The following PALM2AKAP2 variants were observed in gnomAD, a reference collection of about 807,000 sequenced individuals.
PALM2AKAP2 encodes PALM2-AKAP2 fusion protein.
A neutral mutation model predicts 71.5 loss-of-function variants in PALM2AKAP2; 37 were observed. The observed-to-expected ratio is 0.52, with a 90% confidence interval of 0.40 to 0.68. The LOEUF (loss-of-function observed/expected upper bound fraction) is 0.68. Ranked by LOEUF, PALM2AKAP2 falls within the 30% of genes least tolerant of loss-of-function variation. PALM2AKAP2 has a pLI of 0.00. For missense variants in PALM2AKAP2, 1,224 were observed against 1,191.8 expected (o/e 1.03, Z -0.40); for synonymous variants, 468 against 478.8 (o/e 0.98, Z 0.29).
At chr9:109,818,767 C>T (rs10980068) in intron 1 of PALM2AKAP2, among the ~76,000 whole-genome samples, 36,771 of 151,912 alleles carry the variant, frequency 0.24, 5,155 homozygotes, top group African/African-American at 0.37. Context: ...ACTGTACTTT[C>T]GAAATAAGAC....
chr9:109,888,489 A>G (rs1009107687), intron 3 of PALM2AKAP2, among the ~76,000 whole-genome samples: 1 of 152,004 alleles, frequency 6.6e-6, no homozygotes, highest in African/African-American at 2.4e-5. Flanking sequence ...CAGATGGATC[A>G]CCTGAGGTCA....
At chr9:109,804,026 A>T (rs564326232) in intron 1 of PALM2AKAP2, among the ~76,000 whole-genome samples, 18 of 152,260 alleles carry the variant, frequency 1.2e-4, no homozygotes, top group African/African-American at 3.4e-4. Context: ...AGCTCCAGAG[A>T]AAGACAACTC....
intron 6 of PALM2AKAP2, among the ~76,000 whole-genome samples, chr9:109,988,126 A>G (rs1258359370): frequency 6.6e-6 from 1 of 152,210 alleles, no homozygotes; most frequent in Non-Finnish European, 1.5e-5. Context: ...GCTTTATAGT[A>G]CCAATCTGCA....
intron 1 of PALM2AKAP2, among the ~76,000 whole-genome samples, chr9:109,723,529 G>A (rs867665272): frequency 3.7e-4 from 57 of 152,140 alleles, no homozygotes; most frequent in African/African-American, 1.3e-3. Context: ...AAGATAGTGC[G>A]ACATGGAATT....
chr9:109,660,808 C>T (rs1158543367), intron 1 of PALM2AKAP2, among the ~76,000 whole-genome samples: 2 of 152,156 alleles, frequency 1.3e-5, no homozygotes, highest in Admixed American at 6.5e-5. Flanking sequence ...TCCTATTTCT[C>T]CATATCCTCT....
At chr9:109,995,087 T>G (rs1301384036) in intron 6 of PALM2AKAP2, among the ~76,000 whole-genome samples, 1 of 152,208 alleles carries the variant, frequency 6.6e-6, no homozygotes, top group Non-Finnish European at 1.5e-5. Flanking sequence ...TTTTATAGGC[T>G]TCTACATGAT....
At chr9:110,053,508 CAG>C (rs1220227720) in intron 1 of PALM2AKAP2, among the ~76,000 whole-genome samples, 6 of 101,140 alleles carry the variant, frequency 5.9e-5, no homozygotes, top group South Asian at 3.5e-4. Context: ...AGCCTGGTGA[CAG>C]AGCAAGAACT....
chr9:109,789,423 T>C (rs529809347), intron 1 of PALM2AKAP2, among the ~76,000 whole-genome samples: 1 of 152,358 alleles, frequency 6.6e-6, no homozygotes, highest in South Asian at 2.1e-4. Flanking sequence ...TAATATTTTA[T>C]GAAGCCAGTC....
At chr9:109,818,544 T>C (rs1827908144) in intron 1 of PALM2AKAP2, among the ~76,000 whole-genome samples, 1 of 152,218 alleles carries the variant, frequency 6.6e-6, no homozygotes. Context: ...GATAAGAAGG[T>C]AAAAAACATA....
At chr9:110,120,888 G>A (rs561189090) in intron 1 of PALM2AKAP2, among the ~76,000 whole-genome samples, 1 of 152,324 alleles carries the variant, frequency 6.6e-6, no homozygotes, top group South Asian at 2.1e-4. Context: ...GGAGGGCGAA[G>A]GCCGGGAGTT....
At chr9:109,846,511 G>C (rs1828864023) in intron 1 of PALM2AKAP2, among the ~76,000 whole-genome samples, 1 of 152,182 alleles carries the variant, frequency 6.6e-6, no homozygotes, top group Non-Finnish European at 1.5e-5. Flanking sequence ...AAGGCACCAG[G>C]CCTACTGCAC....
chr9:109,936,821 C>T (rs888087525), intron 6 of PALM2AKAP2, among the ~76,000 whole-genome samples: 5 of 152,178 alleles, frequency 3.3e-5, no homozygotes, highest in Non-Finnish European at 7.3e-5. Context: ...CCTCCCATCT[C>T]CCTGACTAAT....
intron 2 of PALM2AKAP2, among the ~76,000 whole-genome samples, chr9:109,877,897 C>T (rs1829754876): frequency 6.6e-6 from 1 of 152,196 alleles, no homozygotes; most frequent in Non-Finnish European, 1.5e-5. Flanking sequence ...AAGCAATAAT[C>T]ATTCTTCTAC....
At chr9:109,991,967 T>C (rs1196542620) in intron 6 of PALM2AKAP2, among the ~76,000 whole-genome samples, 2 of 152,220 alleles carry the variant, frequency 1.3e-5, no homozygotes, top group Non-Finnish European at 2.9e-5. Context: ...ACCTGAAAGT[T>C]GCTAAAAATG....
chr9:109,867,658 A>G, intron 2 of PALM2AKAP2, 87 bp downstream of exon 2: 1 of 1,455,616 alleles, frequency 6.9e-7, no homozygotes, highest in Non-Finnish European at 9.1e-7. Context: ...CCTGCCGTGA[A>G]GGCGCTGCCG....
At chr9:109,646,865 G>A (rs532342256) in intron 1 of PALM2AKAP2, among the ~76,000 whole-genome samples, 36 of 152,180 alleles carry the variant, frequency 2.4e-4, no homozygotes, top group Non-Finnish European at 4.4e-4. Flanking sequence ...GTGGCATTTC[G>A]TGTGCTCAGC....
chr9:109,818,844 G>A (rs1169587499), intron 1 of PALM2AKAP2, among the ~76,000 whole-genome samples: 1 of 152,148 alleles, frequency 6.6e-6, no homozygotes, highest in Non-Finnish European at 1.5e-5. Flanking sequence ...CTTTTATGTT[G>A]TCTGTGGCAC....
At chr9:110,010,242 T>C in intron 6 of PALM2AKAP2, among the ~76,000 whole-genome samples, 1 of 152,040 alleles carries the variant, frequency 6.6e-6, no homozygotes. Context: ...TCTTGTATTT[T>C]AAAAATGGAA....
At chr9:110,002,816 T>C (rs959983758) in intron 6 of PALM2AKAP2, among the ~76,000 whole-genome samples, 4 of 152,132 alleles carry the variant, frequency 2.6e-5, no homozygotes, top group Non-Finnish European at 5.9e-5. Flanking sequence ...AGTTTATTTG[T>C]GTAGAGGTGT....
Sources: gnomAD v4.1 joint callset for allele counts (sites outside exome capture counted in the v4.1 genomes callset) on GRCh38, gnomAD v4.1.1 for gene constraint, MANE v1.5 for transcripts, NCBI Gene and HGNC (gene_info 2026-07-23, HGNC 2026-07-21) for gene names.